Variants in VRK1 observed in about 807,000 individuals in gnomAD.
The protein encoded by VRK1 is serine/threonine-protein kinase VRK1.
Under a neutral mutation model 57.1 loss-of-function variants are expected in VRK1, and 33 were observed. The observed-to-expected ratio is 0.58, with a 90% CI of 0.44 to 0.77. VRK1 has a LOEUF of 0.77. Among genes scored for constraint, VRK1 ranks in the 30% least tolerant of loss-of-function variants. VRK1 has a pLI of 0.00. For missense variants in VRK1, 413 were observed against 477.3 expected, an observed-to-expected ratio of 0.87 and a Z score of 1.25; for synonymous variants, 137 against 147.8, an observed-to-expected ratio of 0.93 and a Z score of 0.53.
chr14:96,826,701 G>A (rs1326775367), intron 1 of VRK1, among the ~76,000 whole-genome samples: 1 of 152,158 alleles, frequency 6.6e-6, no homozygotes. Flanking sequence ...AACCTATAAT[G>A]TACTAAAGTG....
At chr14:96,803,262 C>T (rs1885737248) in intron 1 of VRK1, among the ~76,000 whole-genome samples, 1 of 151,456 alleles carries the variant, frequency 6.6e-6, no homozygotes, top group Admixed American at 6.6e-5. Context: ...ACCTCCGCCT[C>T]CCAGGGTCAA....
intron 11 of VRK1, among the ~76,000 whole-genome samples, chr14:96,872,422 T>C (rs1888858039): frequency 6.6e-6 from 1 of 152,164 alleles, no homozygotes; most frequent in South Asian, 2.1e-4. Flanking sequence ...CCATAGTCCT[T>C]GCCCTCAGGG....
At chr14:96,832,582 ATACCTGCAATCCAGGTCTT>A (rs1390303683) in intron 1 of VRK1, among the ~76,000 whole-genome samples, 1 of 152,156 alleles carries the variant, frequency 6.6e-6, no homozygotes, top group Non-Finnish European at 1.5e-5. Flanking sequence ...AGCTGGTGTC[ATACCTGCAATCCAGGTCTT>A]TTGATTCCAG....
intron 1 of VRK1, among the ~76,000 whole-genome samples, chr14:96,811,926 A>G (rs1566685621): frequency 6.6e-6 from 1 of 152,128 alleles, no homozygotes; most frequent in Non-Finnish European, 1.5e-5. Flanking sequence ...TCAGTACTAA[A>G]ACCCCCTACT....
Position 96,856,192 on chromosome 14 carries a change from C to T in VRK1, c.772C>T (p.His258Tyr), listed in dbSNP as rs761905254. 12 of 1,613,584 alleles carry T rather than the reference C, an allele frequency of 7.4e-6. No homozygotes were observed. The highest frequency in any genetic ancestry group is 3.3e-5 in the Admixed American group (2 of 60,002). ...GYCMIQWLTG[H>Y]LPWEDNLKDP... ...TTGCATGATCCAATGGCTTACTGGC[C>T]ATCTTCCTTGGGAGGATAATTTGAA... Residue 258 changes from histidine (H) to tyrosine (Y), a missense_variant, in exon 9 of 13, where the codon CAT becomes TAT. By Grantham distance (83) the His-to-Tyr change is moderately conservative. This residue lies in a region of VRK1 where 151 missense variants were observed against 225.5 expected (regional missense o/e 0.67). Transcript: ENST00000216639.
At position 96,846,142 on chromosome 14, in the gene VRK1, A is replaced by G. The variant is rs200368952; in HGVS notation, c.264A>G (p.Gln88=). The stretch of plus-strand genomic sequence containing the variant: ...TTTTTACTGAATTAAAGTTCTACCA[A>G]CGAGCTGCAAAACCAGAGCAAAGTA... The part of the protein sequence containing the change: ...GPLFTELKFY[Q]RAAKPEQIQK... Residue 88 remains glutamine, a synonymous_variant, in exon 4 of 13, where the codon CAA becomes CAG. Transcript: ENST00000216639. The G allele has an allele frequency of 6.8e-6, 11 of 1,613,314 alleles. No individual in the cohort carries two copies. The highest frequency in any genetic ancestry group is 1.3e-5 in the African/African-American group (1 of 74,880).
At chr14:96,837,142 A>C (rs1416068894) in intron 2 of VRK1, among the ~76,000 whole-genome samples, 1 of 152,194 alleles carries the variant, frequency 6.6e-6, no homozygotes, top group Non-Finnish European at 1.5e-5. Flanking sequence ...TTTAGTATGT[A>C]CTTGGTAAAT....
chr14:96,873,170 G>A (rs1321132677), intron 11 of VRK1, among the ~76,000 whole-genome samples: 1 of 152,150 alleles, frequency 6.6e-6, no homozygotes, highest in Non-Finnish European at 1.5e-5. Flanking sequence ...GTGATCTTTT[G>A]ATGCTTGACT....
At chr14:96,842,472 A>T (rs1887503083) in intron 3 of VRK1, among the ~76,000 whole-genome samples, 1 of 152,214 alleles carries the variant, frequency 6.6e-6, no homozygotes, top group Non-Finnish European at 1.5e-5. Context: ...AATTATTTCT[A>T]AAAAAGCAGG....
At chr14:96,863,930 C>T (rs1487152937) in intron 11 of VRK1, among the ~76,000 whole-genome samples, 1 of 152,174 alleles carries the variant, frequency 6.6e-6, no homozygotes, top group Non-Finnish European at 1.5e-5. Context: ...AGGGATTGCA[C>T]CTCGTACAGC....
intron 1 of VRK1, among the ~76,000 whole-genome samples, chr14:96,816,168 T>G (rs1010502248): frequency 1.3e-5 from 2 of 152,074 alleles, no homozygotes; most frequent in Non-Finnish European, 2.9e-5. Flanking sequence ...AAAAAAGAAA[T>G]GAGCAGCCCC....
chr14:96,853,098 G>A lies in VRK1; in HGVS notation c.508G>A (p.Glu170Lys), dbSNP rs1888015615. ...GCTGGATATTCTGGAATATATTCAC[G>A]AGCATGAGTATGTGCATGGAGATAT... ...RILDILEYIH[E>K]HEYVHGDIKA... The change falls in exon 7 of 13, where the codon GAG becomes AAG. Residue 170 changes from glutamate to lysine, a missense_variant. Around this residue, in one of 3 missense-constraint regions of VRK1, gnomAD observed 151 missense variants for 225.5 expected, o/e 0.67. Coordinates refer to ENST00000216639, the MANE Select transcript of VRK1 (RefSeq NM_003384.3). 3 of 1,613,718 alleles carry A rather than the reference G, an allele frequency of 1.9e-6. No homozygotes were observed. The highest frequency in any genetic ancestry group is 2.5e-6 in the Non-Finnish European group (3 of 1,179,786).
intron 1 of VRK1, among the ~76,000 whole-genome samples, chr14:96,824,753 A>C (rs1162280525): frequency 6.8e-6 from 1 of 147,776 alleles, no homozygotes; most frequent in Non-Finnish European, 1.5e-5. Context: ...TCCTGGGTTC[A>C]CACCATTCTC....
At chr14:96,840,305 G>C (rs888018714) in intron 3 of VRK1, among the ~76,000 whole-genome samples, 1 of 152,144 alleles carries the variant, frequency 6.6e-6, no homozygotes, top group African/African-American at 2.4e-5. Flanking sequence ...GAAATTTTCT[G>C]TTTTTAAGTC....
At chr14:96,858,441 G>T (rs1888254128) in intron 10 of VRK1, among the ~76,000 whole-genome samples, 1 of 152,066 alleles carries the variant, frequency 6.6e-6, no homozygotes, top group African/African-American at 2.4e-5. Context: ...ATTTCTATAT[G>T]ATATTCTATT....
At chr14:96,869,504 A>G (rs1241880819) in intron 11 of VRK1, among the ~76,000 whole-genome samples, 1 of 152,240 alleles carries the variant, frequency 6.6e-6, no homozygotes, top group Non-Finnish European at 1.5e-5. Flanking sequence ...GTAAACGATT[A>G]TGAATTGGTA....
chr14:96,860,701 A>T lies in VRK1; in HGVS notation c.1034A>T (p.Glu345Val). Residue 345 changes from glutamate to valine, a missense_variant, in exon 11 of 13, where the codon GAG becomes GTG. Glu to Val is a moderately radical substitution (Grantham distance 121). Around this residue, in one of 3 missense-constraint regions of VRK1, gnomAD observed 146 missense variants for 138.2 expected, o/e 1.06. Coordinates refer to ENST00000216639, the MANE Select transcript of VRK1 (RefSeq NM_003384.3). ...GGCAAATTGGACCTCAGTGTTGTGG[A>T]GAATGGAGGTTTGAAAGCAAAAACA... ...DDGKLDLSVV[E>V]NGGLKAKTIT... The T allele has an allele frequency of 6.2e-7, 1 of 1,613,220 alleles. No individual in the cohort carries two copies. Among genetic ancestry groups the T allele is most frequent in the East Asian group, 2.2e-5 (1 of 44,720 alleles).
At chr14:96,842,145 CT>C (rs919955918) in intron 3 of VRK1, among the ~76,000 whole-genome samples, 1 of 152,008 alleles carries the variant, frequency 6.6e-6, no homozygotes, top group Non-Finnish European at 1.5e-5. Context: ...TTCATTTATT[CT>C]TTTGAATACT....
chr14:96,879,063 C>A (rs1394693341), intron 12 of VRK1, among the ~76,000 whole-genome samples: 3 of 151,994 alleles, frequency 2.0e-5, no homozygotes, highest in South Asian at 2.1e-4. Context: ...TTTAAGGGAA[C>A]CCTACAAAGA....
Sources: gnomAD v4.1 joint callset for allele counts (sites outside exome capture counted in the v4.1 genomes callset) on GRCh38, gnomAD v4.1.1 for gene constraint, gnomAD v4.1.1 regional missense constraint, MANE v1.5 for transcripts, NCBI Gene and HGNC (gene_info 2026-07-23, HGNC 2026-07-21) for gene names.